The following KSR2 variants were observed in gnomAD, a reference collection of about 807,000 sequenced individuals.
The protein encoded by KSR2 is kinase suppressor of ras 2.
KSR2 carries 25 observed loss-of-function variants against 107.8 expected under a neutral mutation model. The ratio of observed to expected loss-of-function variants is 0.23; its 90% CI spans 0.17 to 0.32. The LOEUF is 0.32. KSR2 is among the 10% of genes least tolerant of loss of function. The pLI is 1.00. For synonymous variants in KSR2, 480 were observed against 507.0 expected (o/e 0.95, Z 0.71); for missense variants, 887 against 1,268.9 (o/e 0.70, Z 4.57).
chr12:117,768,067 G>A (rs1048328293), intron 3 of KSR2, among the ~76,000 whole-genome samples: 1 of 152,150 alleles, frequency 6.6e-6, no homozygotes, highest in Non-Finnish European at 1.5e-5. Context: ...CCCTAGTCCC[G>A]TGGTCATGCC....
chr12:117,507,794 G>A (rs955080835), intron 14 of KSR2, among the ~76,000 whole-genome samples: 16 of 152,168 alleles, frequency 1.1e-4, no homozygotes, highest in African/African-American at 3.6e-4. Flanking sequence ...CTGATAAATT[G>A]TTATGAGTTG....
chr12:117,713,740 G>A (rs670701), intron 4 of KSR2, among the ~76,000 whole-genome samples: 95,272 of 151,550 alleles, frequency 0.63, 30,291 homozygotes, highest in Admixed American at 0.71. Flanking sequence ...CCTCTCTCCT[G>A]TTTTCTGTCA....
At chr12:117,533,084 G>T (rs181402081) in intron 10 of KSR2, among the ~76,000 whole-genome samples, 1 of 152,242 alleles carries the variant, frequency 6.6e-6, no homozygotes, top group Non-Finnish European at 1.5e-5. Context: ...AAAGGGCAAG[G>T]ACCATCATTA....
At chr12:117,598,804 C>T (rs1387846153) in intron 5 of KSR2, among the ~76,000 whole-genome samples, 1 of 150,044 alleles carries the variant, frequency 6.7e-6, no homozygotes, top group African/African-American at 2.5e-5. Context: ...TTTCTTGCTA[C>T]TTTCTTTTCA....
chr12:117,790,678 C>G (rs1890223419), intron 3 of KSR2, among the ~76,000 whole-genome samples: 1 of 152,182 alleles, frequency 6.6e-6, no homozygotes. Context: ...AATAAAATGG[C>G]AGGCAGGTTT....
At chr12:117,903,228 TC>T (rs1894742415) in intron 1 of KSR2, among the ~76,000 whole-genome samples, 1 of 152,148 alleles carries the variant, frequency 6.6e-6, no homozygotes, top group South Asian at 2.1e-4. Flanking sequence ...AATAAGAGTT[TC>T]TCTCATACTT....
chr12:117,520,361 T>C (rs533810485), intron 14 of KSR2, among the ~76,000 whole-genome samples: 1 of 152,334 alleles, frequency 6.6e-6, no homozygotes, highest in African/African-American at 2.4e-5. Context: ...TTGAGGGCTC[T>C]GTCTTGGTTC....
chr12:117,863,749 G>A (rs76860874), intron 1 of KSR2, among the ~76,000 whole-genome samples: 2,418 of 152,198 alleles, frequency 0.016, 40 homozygotes, highest in Non-Finnish European at 0.024. Context: ...GATGTCAACA[G>A]GGCTGGTTCC....
chr12:117,573,178 A>C (rs911502898), intron 7 of KSR2, among the ~76,000 whole-genome samples: 10 of 152,196 alleles, frequency 6.6e-5, no homozygotes, highest in African/African-American at 2.4e-4. Flanking sequence ...GTGGGCATTA[A>C]ATCGGAGCAG....
rs1410899405 is a variant in KSR2 at position 117,717,612 on chromosome 12, T to A, written c.986+43399A>T. Among the ~76,000 whole-genome samples the A allele has an allele frequency of 7.2e-5, 11 of 152,076 alleles. No individual in the cohort carries two copies. The East Asian group carries it at 1.2e-3, about 16-fold the overall frequency. On this transcript the variant is annotated intron_variant, in intron 4 of 19. Coordinates refer to ENST00000339824, the MANE Select transcript of KSR2 (RefSeq NM_173598.6). ...TCATTATTTTAAAATGTAGATGACA[T>A]CTGTTACTTTAGTCTATCTACCATC...
In KSR2 at chr12:117,502,536, G is replaced by C. The variant is rs184378890; in HGVS notation, c.2220-16845C>G. ...TGGGGAATGACTGGTAATGGGTATC[G>C]AATCGATTCCGTTTTTTTGAGGAGA... is the stretch of plus-strand genomic sequence containing the variant. On this transcript the variant is annotated intron_variant, in intron 14 of 19. Transcript: ENST00000339824. Among the ~76,000 whole-genome samples the C allele has an allele frequency of 9.9e-4, 151 of 152,222 alleles. 1 individual carries two copies. Among genetic ancestry groups the C allele is most frequent in the African/African-American group, 3.2e-3 (133 of 41,548 alleles).
chr12:117,954,241 T>TC (rs1217200564), intron 1 of KSR2, among the ~76,000 whole-genome samples: 1 of 151,996 alleles, frequency 6.6e-6, no homozygotes, highest in Non-Finnish European at 1.5e-5. Flanking sequence ...CTCTGAAGGG[T>TC]CCCCCCTACC....
intron 4 of KSR2, among the ~76,000 whole-genome samples, chr12:117,730,946 G>A (rs367781565): frequency 4.3e-4 from 66 of 152,138 alleles, no homozygotes; most frequent in African/African-American, 1.6e-3. Context: ...TAGGAAGTGA[G>A]GAGCGTCTCT....
At chr12:117,655,376 G>GA (rs1180889217) in intron 5 of KSR2, among the ~76,000 whole-genome samples, 1 of 152,192 alleles carries the variant, frequency 6.6e-6, no homozygotes, top group African/African-American at 2.4e-5. Context: ...TGGATTGATA[G>GA]AACGGTGGAA....
At chr12:117,793,594 CAT>C (rs147864984) in intron 3 of KSR2, among the ~76,000 whole-genome samples, 17,626 of 147,960 alleles carry the variant, frequency 0.12, 1,731 homozygotes, top group African/African-American at 0.27. Context: ...AATATGCACA[CAT>C]ACACCAACAT....
At chr12:117,484,393 C>A (rs184205031) in intron 16 of KSR2, 23 bp downstream of exon 16, 1 of 1,612,678 alleles carries the variant, frequency 6.2e-7, no homozygotes, top group South Asian at 1.1e-5. Context: ...GGAAACTCTC[C>A]GGGTCTTCCC....
rs964351516 is a variant in KSR2 at position 117,464,299 on chromosome 12, G to A, written c.*2900C>T. ...CCCTCGGGAAGCCCATGTATATGAC[G>A]GTTTGCTAAAAGCAAGACTGACTGG... On this transcript the variant is annotated 3_prime_UTR_variant, in exon 20 of 20. Coordinates refer to ENST00000339824, the MANE Select transcript of KSR2 (RefSeq NM_173598.6). 3 of 152,160 alleles carry A rather than the reference G, an allele frequency of 2.0e-5. No homozygotes were observed. Among genetic ancestry groups the A allele is most frequent in the Admixed American group, 6.5e-5 (1 of 15,286 alleles). The allele number at this position is 152,160 out of a possible 1,614,324, so 9.4% of individuals were successfully genotyped here. A position where few individuals can be genotyped will look rare whatever the true frequency, so the allele number is the denominator to read the frequency against.
chr12:117,936,533 T>G (rs9738428), intron 1 of KSR2, among the ~76,000 whole-genome samples: 63,988 of 119,314 alleles, frequency 0.54, 15,078 homozygotes, highest in African/African-American at 0.59. Context: ...ATTATTATTA[T>G]TAGTAGTAGT....
At chr12:117,475,251 T>A (rs1871703744) in intron 17 of KSR2, among the ~76,000 whole-genome samples, 1 of 152,186 alleles carries the variant, frequency 6.6e-6, no homozygotes, top group Non-Finnish European at 1.5e-5. Context: ...GCACTGAAGA[T>A]GAAATGAAAA....
Sources: gnomAD v4.1 joint callset for allele counts (sites outside exome capture counted in the v4.1 genomes callset) on GRCh38, gnomAD v4.1.1 for gene constraint, MANE v1.5 for transcripts, NCBI Gene and HGNC (gene_info 2026-07-23, HGNC 2026-07-21) for gene names.